The following PCDH9 variants were observed in gnomAD, a reference collection of about 807,000 sequenced individuals.
The protein encoded by PCDH9 is protocadherin 9.
A neutral mutation model predicts 70.6 loss-of-function variants in PCDH9; 24 were observed. That is an observed-to-expected ratio of 0.34 (90% CI 0.25 to 0.48). PCDH9 has a LOEUF of 0.48. Among genes scored for constraint, PCDH9 ranks in the 20% least tolerant of loss-of-function variants. The pLI, the probability that PCDH9 is intolerant of heterozygous loss-of-function variation, is 0.99. For missense variants in PCDH9, 1,281 were observed against 1,503.6 expected (o/e 0.85, Z 2.45); for synonymous variants, 562 against 558.5 (o/e 1.01, Z -0.09).
chr13:67,187,642 G>T (rs532289837), intron 2 of PCDH9, among the ~76,000 whole-genome samples: 1 of 152,018 alleles, frequency 6.6e-6, no homozygotes, highest in South Asian at 2.1e-4. Context: ...ATAAAATTTA[G>T]AAATCATATT....
intron 4 of PCDH9, among the ~76,000 whole-genome samples, chr13:66,434,618 T>C (rs541923019): frequency 1.3e-5 from 2 of 152,042 alleles, no homozygotes. Flanking sequence ...ATTATAGTAC[T>C]TGGAATGGTC....
chr13:67,175,069 G>T (rs2088414036), intron 2 of PCDH9, among the ~76,000 whole-genome samples: 1 of 151,836 alleles, frequency 6.6e-6, no homozygotes, highest in Non-Finnish European at 1.5e-5. Context: ...CCAGAAGGTG[G>T]AGCATGCAGT....
intron 4 of PCDH9, among the ~76,000 whole-genome samples, chr13:66,331,430 A>T (rs1042091191): frequency 6.6e-6 from 1 of 152,102 alleles, no homozygotes; most frequent in Non-Finnish European, 1.5e-5. Flanking sequence ...GTTACAATAC[A>T]TCTCTTTATT....
intron 4 of PCDH9, among the ~76,000 whole-genome samples, chr13:66,624,710 A>G (rs981543001): frequency 1.3e-5 from 2 of 152,230 alleles, no homozygotes; most frequent in African/African-American, 4.8e-5. Context: ...TAATTACTGA[A>G]AATCTCTGCT....
At chr13:66,698,656 A>G (rs555477541) in intron 3 of PCDH9, among the ~76,000 whole-genome samples, 89 of 151,982 alleles carry the variant, frequency 5.9e-4, no homozygotes, top group African/African-American at 2.0e-3. Context: ...ATAGCTCACT[A>G]CAGCCTGGAC....
At chr13:66,982,861 C>A (rs928608288) in intron 2 of PCDH9, among the ~76,000 whole-genome samples, 12 of 152,096 alleles carry the variant, frequency 7.9e-5, no homozygotes, top group Non-Finnish European at 1.5e-5. Context: ...AATGTTGATT[C>A]TTGGTCTTGA....
At chr13:66,741,913 C>A (rs1055816806) in intron 3 of PCDH9, among the ~76,000 whole-genome samples, 3 of 149,932 alleles carry the variant, frequency 2.0e-5, no homozygotes, top group African/African-American at 7.5e-5. Flanking sequence ...AACGGCCATA[C>A]TGCCCAAGGT....
In PCDH9 at chr13:67,117,758, C is replaced by T. The variant is rs2086805424; in HGVS notation, c.3036+107647G>A. Among the ~76,000 whole-genome samples, 3 of 152,086 alleles carry T rather than the reference C, an allele frequency of 2.0e-5. No homozygotes were observed. The South Asian group carries it at 6.2e-4, about 32-fold the overall frequency. ...GATGGGATTTTTTAAAGATCACTTT[C>T]CTTAATGCGGCCTAATTAAGGGTAT... On this transcript the variant is annotated intron_variant, in intron 2 of 4. Coordinates refer to ENST00000377865, the MANE Select transcript of PCDH9 (RefSeq NM_203487.3).
intron 2 of PCDH9, among the ~76,000 whole-genome samples, chr13:67,118,403 A>C (rs7999949): frequency 0.92 from 140,631 of 152,168 alleles, 65,078 homozygotes; most frequent in East Asian, 0.98. Context: ...GGGCAAGTAA[A>C]CCTACAGAAA....
chr13:66,816,150 A>G (rs1256516923), intron 3 of PCDH9, among the ~76,000 whole-genome samples: 1 of 152,236 alleles, frequency 6.6e-6, no homozygotes, highest in African/African-American at 2.4e-5. Context: ...AAACAAAGCA[A>G]TTCTAAGCAA....
intron 3 of PCDH9, among the ~76,000 whole-genome samples, chr13:66,830,188 A>G (rs1043623764): frequency 2.6e-5 from 4 of 152,212 alleles, no homozygotes; most frequent in Admixed American, 2.6e-4. Context: ...GTATTATATT[A>G]CTTCACATTA....
At chr13:66,476,143 A>T (rs968184351) in intron 4 of PCDH9, among the ~76,000 whole-genome samples, 1 of 152,000 alleles carries the variant, frequency 6.6e-6, no homozygotes, top group African/African-American at 2.4e-5. Context: ...ACCTGACCTC[A>T]CTTATAACAC....
At chr13:66,769,400 A>C (rs762362746) in intron 3 of PCDH9, among the ~76,000 whole-genome samples, 1 of 152,092 alleles carries the variant, frequency 6.6e-6, no homozygotes, top group Non-Finnish European at 1.5e-5. Flanking sequence ...ATAGCACTAC[A>C]ATGAAAGTAG....
chr13:66,869,025 C>A (rs1213714610), intron 3 of PCDH9, among the ~76,000 whole-genome samples: 1 of 152,064 alleles, frequency 6.6e-6, no homozygotes, highest in Non-Finnish European at 1.5e-5. Flanking sequence ...ACTGACTATA[C>A]AATGAAATTC....
intron 4 of PCDH9, among the ~76,000 whole-genome samples, chr13:66,324,223 T>C (rs1955802983): frequency 6.6e-6 from 1 of 152,000 alleles, no homozygotes; most frequent in South Asian, 2.1e-4. Context: ...TCTGAGAGAA[T>C]ACCTTAGGGG....
intron 3 of PCDH9, among the ~76,000 whole-genome samples, chr13:66,867,592 C>T (rs182513741): frequency 2.1e-4 from 32 of 151,898 alleles, no homozygotes; most frequent in East Asian, 9.7e-4. Context: ...GAAAGTGGAA[C>T]GAAAAATAAT....
chr13:67,207,688 G>A (rs1278924494), intron 2 of PCDH9: 1 of 152,118 alleles, frequency 6.6e-6, no homozygotes, highest in East Asian at 1.9e-4. Flanking sequence ...TAGCTATTTA[G>A]CTGAAATTAA....
intron 2 of PCDH9, among the ~76,000 whole-genome samples, chr13:66,925,598 CTTG>C (rs1249060524): frequency 6.7e-6 from 1 of 149,460 alleles, no homozygotes; most frequent in Non-Finnish European, 1.5e-5. Context: ...TCTATTTAAG[CTTG>C]TTAACTTGAT....
intron 4 of PCDH9, among the ~76,000 whole-genome samples, chr13:66,371,112 C>CT (rs1275176260): frequency 6.6e-6 from 1 of 151,954 alleles, no homozygotes; most frequent in Non-Finnish European, 1.5e-5. Flanking sequence ...ATGTAAGATG[C>CT]TTTTTTAAAA....
Sources: gnomAD v4.1 joint callset for allele counts (sites outside exome capture counted in the v4.1 genomes callset) on GRCh38, gnomAD v4.1.1 for gene constraint, MANE v1.5 for transcripts, NCBI Gene and HGNC (gene_info 2026-07-23, HGNC 2026-07-21) for gene names.